Variants in EYS observed in about 807,000 individuals in gnomAD.
The protein encoded by EYS is EGF-like photoreceptor maintenance factor.
EYS carries 250 observed loss-of-function variants against 282.1 expected under a neutral mutation model. That is an observed-to-expected ratio of 0.89 (90% CI 0.80 to 0.98). The LOEUF (loss-of-function observed/expected upper bound fraction) is 0.98. Among genes scored for constraint, EYS ranks in the 50% least tolerant of loss-of-function variants. The pLI is 0.00. For synonymous variants in EYS, 1,355 were observed against 1,282.9 expected, an observed-to-expected ratio of 1.06 and a Z score of -1.20; for missense variants, 4,016 against 3,709.0, an observed-to-expected ratio of 1.08 and a Z score of -2.15.
chr6:64,044,064 C>T (rs1770512540), intron 33 of EYS, among the ~76,000 whole-genome samples: 1 of 152,148 alleles, frequency 6.6e-6, no homozygotes, highest in African/African-American at 2.4e-5. Flanking sequence ...GTTCAGTTAG[C>T]TTTGTTTGTG....
intron 5 of EYS, among the ~76,000 whole-genome samples, chr6:65,472,023 A>C (rs943222125): frequency 6.6e-6 from 1 of 152,102 alleles, no homozygotes; most frequent in Non-Finnish European, 1.5e-5. Flanking sequence ...ATCTTGCTTT[A>C]ATTCATATTA....
At chr6:65,340,934 G>A (rs1255138924) in intron 10 of EYS, among the ~76,000 whole-genome samples, 3 of 151,122 alleles carry the variant, frequency 2.0e-5, no homozygotes, top group East Asian at 2.0e-4. Flanking sequence ...CTCTCCAACT[G>A]TGAAAGTGAC....
At chr6:65,173,198 G>T (rs983107368) in intron 12 of EYS, among the ~76,000 whole-genome samples, 3 of 151,222 alleles carry the variant, frequency 2.0e-5, no homozygotes, top group Non-Finnish European at 3.0e-5. Flanking sequence ...CCTTACATTT[G>T]TTATGCTATA....
At chr6:64,622,197 T>A (rs1390712673) in intron 23 of EYS, among the ~76,000 whole-genome samples, 1 of 152,070 alleles carries the variant, frequency 6.6e-6, no homozygotes, top group Non-Finnish European at 1.5e-5. Context: ...ACTTGTCAAG[T>A]CTTATACCTT....
At chr6:64,369,884 C>A (rs1384381823) in intron 29 of EYS, among the ~76,000 whole-genome samples, 1 of 151,896 alleles carries the variant, frequency 6.6e-6, no homozygotes, top group Non-Finnish European at 1.5e-5. Context: ...GATTTTATAT[C>A]CTAAAACTTT....
At chr6:65,037,483 A>C (rs1772804584) in intron 13 of EYS, among the ~76,000 whole-genome samples, 1 of 151,820 alleles carries the variant, frequency 6.6e-6, no homozygotes, top group Admixed American at 6.6e-5. Context: ...TGGAAAGAAA[A>C]AAGACCTATA....
chr6:65,159,945 T>C (rs1049017970), intron 12 of EYS, among the ~76,000 whole-genome samples: 1 of 150,876 alleles, frequency 6.6e-6, no homozygotes, highest in Non-Finnish European at 1.5e-5. Context: ...TAACGAAGAG[T>C]CAAAGTTTTA....
At chr6:65,293,961 T>A (rs1768595311) in intron 12 of EYS, among the ~76,000 whole-genome samples, 1 of 151,460 alleles carries the variant, frequency 6.6e-6, no homozygotes. Context: ...AGAAAGCACA[T>A]GAGTTTGGAG....
chr6:65,071,683 G>A (rs759606036), intron 12 of EYS, among the ~76,000 whole-genome samples: 2 of 151,736 alleles, frequency 1.3e-5, no homozygotes, highest in East Asian at 1.9e-4. Context: ...ATATGGCATC[G>A]TATGGGCCTG....
intron 35 of EYS, among the ~76,000 whole-genome samples, chr6:63,876,022 T>G (rs1010140126): frequency 6.6e-6 from 1 of 152,212 alleles, no homozygotes; most frequent in African/African-American, 2.4e-5. Flanking sequence ...AGCTTTTGAA[T>G]ATGTTTGCTC....
chr6:64,369,790 T>G (rs1009244591), intron 29 of EYS, among the ~76,000 whole-genome samples: 6 of 152,164 alleles, frequency 3.9e-5, no homozygotes, highest in Admixed American at 3.3e-4. Context: ...TTTTTGTGGC[T>G]ATTGTGAATG....
rs866748216 is a variant in EYS at position 65,257,708 on chromosome 6, A to G, written c.2023+38155T>C. ...ATAGTTTGAAGTCAGGTAGTGTGAT[A>G]CCTCCAGCTTTGTTCTTTTGGCTTA... On this transcript the variant is annotated intron_variant, in intron 12 of 42. Coordinates refer to ENST00000503581, the MANE Select transcript of EYS (RefSeq NM_001142800.2). Among the ~76,000 whole-genome samples, 4 of 151,638 alleles carry G rather than the reference A, an allele frequency of 2.6e-5. No homozygotes were observed. The East Asian group carries it at 7.8e-4, about 30-fold the overall frequency.
chr6:65,248,559 C>T (rs1056636175), intron 12 of EYS, among the ~76,000 whole-genome samples: 2 of 151,952 alleles, frequency 1.3e-5, no homozygotes, highest in African/African-American at 2.4e-5. Context: ...TTTCTGGTTA[C>T]CCTATGTAGC....
chr6:63,895,972 C>G (rs1773529457), intron 35 of EYS, among the ~76,000 whole-genome samples: 1 of 136,160 alleles, frequency 7.3e-6, no homozygotes, highest in Admixed American at 7.7e-5. Flanking sequence ...CTTCAATGAA[C>G]TTGGGCTAAA....
chr6:64,048,715 T>C (rs184831801), intron 33 of EYS, among the ~76,000 whole-genome samples: 3 of 152,152 alleles, frequency 2.0e-5, no homozygotes, highest in Non-Finnish European at 4.4e-5. Context: ...CATTTTTATA[T>C]GACTATATGA....
intron 22 of EYS, among the ~76,000 whole-genome samples, chr6:64,748,361 G>T (rs1343609943): frequency 6.6e-6 from 1 of 152,178 alleles, no homozygotes; most frequent in East Asian, 1.9e-4. Context: ...CACAGACAGG[G>T]TGAGGAGGAA....
intron 5 of EYS, among the ~76,000 whole-genome samples, chr6:65,431,768 T>C (rs1767898472): frequency 6.6e-6 from 1 of 152,098 alleles, no homozygotes; most frequent in South Asian, 2.1e-4. Context: ...AAAATCAAAC[T>C]AAGTTTTAAA....
In EYS at chr6:64,081,764, TCA is replaced by T. The variant is rs1771977413; in HGVS notation, c.6571+90_6571+91del. 4 of 1,121,654 alleles carry T rather than the reference TCA, an allele frequency of 3.6e-6. No homozygotes were observed. In the South Asian group the frequency reaches 5.2e-5, roughly 15 times the overall value. The allele number at this position is 1,121,654 out of a possible 1,614,324, so 69.5% of individuals were successfully genotyped here. A position where few individuals can be genotyped will look rare whatever the true frequency, so the allele number is the denominator to read the frequency against. On this transcript the variant is annotated intron_variant, in intron 32 of 42. Transcript: ENST00000503581. Reference sequence around the variant, plus strand: ...CATGCACTGGTCTGGAAAAATTCTCTCACAATATTTAAATGAATAAATCATTG... The same window carrying T: ...CATGCACTGGTCTGGAAAAATTCTCTCAATATTTAAATGAATAAATCATTG...
At chr6:65,272,013 T>C (rs184189423) in intron 12 of EYS, among the ~76,000 whole-genome samples, 97 of 152,340 alleles carry the variant, frequency 6.4e-4, no homozygotes, top group African/African-American at 2.2e-3. Flanking sequence ...GTTCTCAGCA[T>C]ACATACAGCT....
Sources: allele counts gnomAD v4.1 joint callset (sites outside exome capture counted in the v4.1 genomes callset), GRCh38; gene constraint gnomAD v4.1.1; transcripts MANE v1.5; gene names NCBI Gene and HGNC (gene_info 2026-07-23, HGNC 2026-07-21).